The following VWA7 variants were observed in gnomAD, a reference collection of about 807,000 sequenced individuals.
VWA7 encodes von Willebrand factor A domain-containing protein 7.
A neutral mutation model predicts 83.1 loss-of-function variants in VWA7; 66 were observed. That is an observed-to-expected ratio of 0.79 (90% CI 0.65 to 0.98). The LOEUF (loss-of-function observed/expected upper bound fraction) is 0.98. Among genes scored for constraint, VWA7 ranks in the 50% least tolerant of loss-of-function variants. The pLI is 0.00. For missense variants in VWA7, 1,080 were observed against 1,160.2 expected (o/e 0.93, Z 1.00); for synonymous variants, 424 against 488.5 (o/e 0.87, Z 1.74).
Position 31,765,754 on chromosome 6 carries a change from G to C in VWA7, c.2516C>G (p.Pro839Arg). The C allele has an allele frequency of 6.3e-7, 1 of 1,588,654 alleles. No individual in the cohort carries two copies. Reference sequence around the variant, plus strand: ...GAGGATCGGGTCAGATGAGCCGGTAGGGGTGGTGTGCCGGTCCTGTGGGGA... The same window carrying C: ...GAGGATCGGGTCAGATGAGCCGGTACGGGTGGTGTGCCGGTCCTGTGGGGA... ...APAPQDRHTT[P>R]TGSSDPILTT... The change falls in exon 17 of 17, where the codon CCT (proline) becomes CGT (arginine). Residue 839 changes from proline to arginine, a missense_variant. Coordinates refer to ENST00000375688, the MANE Select transcript of VWA7 (RefSeq NM_025258.3).
chr6:31,773,532 C>A lies in VWA7; in HGVS notation c.722-95G>T. 2 of 1,246,916 alleles carry A rather than the reference C, an allele frequency of 1.6e-6. No homozygotes were observed. The highest frequency in any genetic ancestry group is 2.2e-6 in the Non-Finnish European group (2 of 919,988). 77.2% of individuals were successfully genotyped at this position (1,246,916 alleles called of 1,614,324 possible). On this transcript the variant is annotated intron_variant, in intron 5 of 16. Coordinates refer to ENST00000375688, the MANE Select transcript of VWA7 (RefSeq NM_025258.3). This position sits in a 1 kb window ranked among gnomAD's most constrained non-coding sequence, Gnocchi z 5.3. ...TTCAGGCCTGGCCTGACCCTCTCAC[C>A]CCTCAGCAAGGGTTCAGCAAGAAAT... is the stretch of plus-strand genomic sequence containing the variant.
rs1286816609 is a variant in VWA7 at position 31,775,920 on chromosome 6, G to T, written c.513+44C>A. ...GACGCGCTCCATCCCGGACAGGCAC[G>T]GAAGTGAAGACCCCTCTGACCATCA... On this transcript the variant is annotated intron_variant, in intron 3 of 16. Transcript: ENST00000375688. This position sits in a 1 kb window ranked among gnomAD's most constrained non-coding sequence, Gnocchi z 5.9. 6.4e-7 allele frequency: 1 copy of T among 1,565,300 alleles called. No individual in the cohort carries two copies. Among genetic ancestry groups the T allele is most frequent in the East Asian group, 2.3e-5 (1 of 44,404 alleles).
At position 31,775,962 on chromosome 6, in the gene VWA7, AC is replaced by A; in HGVS notation, c.513+1del. On this transcript the variant is annotated splice_donor_variant, in intron 3 of 16. Coordinates refer to ENST00000375688, the MANE Select transcript of VWA7 (RefSeq NM_025258.3). LOFTEE classifies it high-confidence loss of function. This position sits in a 1 kb window ranked among gnomAD's most constrained non-coding sequence, Gnocchi z 5.9. ...TGACCATCAACCCAACCCTGTTCTC[AC>A]CTGCAGGGCATGAAGTGCAGCCCCG... The A allele has an allele frequency of 6.2e-7, 1 of 1,607,412 alleles. No individual in the cohort carries two copies. Among genetic ancestry groups the A allele is most frequent in the Non-Finnish European group, 8.5e-7 (1 of 1,177,114 alleles).
At position 31,769,761 on chromosome 6, in the gene VWA7, C is replaced by A; in HGVS notation, c.1231G>T (p.Asp411Tyr). The change falls in exon 9 of 17, where the codon GAT becomes TAT. Residue 411 changes from aspartate (D) to tyrosine (Y), a missense_variant. Asp to Tyr is a radical substitution (Grantham distance 160). Transcript: ENST00000375688. The surrounding 1 kb of genome is among the most constrained non-coding windows in gnomAD (Gnocchi z 4.5). ...GAGGCATCCGTGAAGACAAAGATAT[C>A]TGAGAGTGGAGGTGTGTGCAGCAGG... ...LALLHTPPLS[D>Y]IFVFTDASPK... The A allele has an allele frequency of 6.2e-7, 1 of 1,613,094 alleles. No homozygotes were observed. Among genetic ancestry groups the A allele is most frequent in the South Asian group, 1.1e-5 (1 of 91,082 alleles).
chr6:31,772,756 C>T (rs941543104), intron 7 of VWA7, among the ~76,000 whole-genome samples, 198 bp downstream of exon 7: 6 of 151,746 alleles, frequency 4.0e-5, no homozygotes, highest in African/African-American at 9.7e-5. Flanking sequence ...CCCACCACCA[C>T]GCCCGGCTAA....
At chr6:31,768,039 C>A (rs1382375116) in intron 10 of VWA7, among the ~76,000 whole-genome samples, 1 of 145,000 alleles carries the variant, frequency 6.9e-6, no homozygotes, top group Admixed American at 7.2e-5. Context: ...ACTTGGGAGG[C>A]TGGAGCAGGA....
Position 31,769,287 on chromosome 6 carries a change from T to A in VWA7, c.1318-84A>T. 1 of 1,488,646 alleles carries A rather than the reference T, an allele frequency of 6.7e-7. No homozygotes were observed. The highest frequency in any genetic ancestry group is 9.1e-7 in the Non-Finnish European group (1 of 1,103,122). The allele number at this position is 1,488,646 out of a possible 1,614,324, so 92.2% of individuals were successfully genotyped here. Reference sequence around the variant, plus strand: ...TGAGAATCCCTGTGCTCAAGCTTTCTCCAGAGCTGATGGTTTGTGATAAGG... The same window carrying A: ...TGAGAATCCCTGTGCTCAAGCTTTCACCAGAGCTGATGGTTTGTGATAAGG... On this transcript the variant is annotated intron_variant, in intron 9 of 16. Coordinates refer to ENST00000375688, the MANE Select transcript of VWA7 (RefSeq NM_025258.3). The surrounding 1 kb of genome is among the most constrained non-coding windows in gnomAD (Gnocchi z 4.5).
In VWA7 at chr6:31,766,705, C is replaced by T. The variant is rs1811624069; in HGVS notation, c.1942G>A (p.Asp648Asn). 3 of 1,612,430 alleles carry T rather than the reference C, an allele frequency of 1.9e-6. No individual in the cohort carries two copies. The highest frequency in any genetic ancestry group is 2.5e-6 in the Non-Finnish European group (3 of 1,179,554). ...TGLGSRANPG[D>N]PQPHFSHVIL... ...ACGTGGGAGAAATGCGGCTGAGGAT[C>T]CCCAGGATTGGCTCTGGAACCCAAC... The change falls in exon 14 of 17, where the codon GAT (aspartate) becomes AAT (asparagine). Residue 648 changes from aspartate to asparagine, a missense_variant. Physicochemically the swap from Asp to Asn is conservative, Grantham distance 23. Transcript: ENST00000375688. The surrounding 1 kb of genome is among the most constrained non-coding windows in gnomAD (Gnocchi z 4.9).
Position 31,766,033 on chromosome 6 carries a change from C to T in VWA7, c.2349G>A (p.Ser783=), listed in dbSNP as rs769583379. 3.3e-5 allele frequency: 53 copies of T among 1,612,896 alleles called. No homozygotes were observed. Among genetic ancestry groups the T allele is most frequent in the South Asian group, 3.1e-4 (28 of 91,088 alleles). Residue 783 remains serine (S), a synonymous_variant, in exon 16 of 17, where the codon TCG becomes TCA. Coordinates refer to ENST00000375688, the MANE Select transcript of VWA7 (RefSeq NM_025258.3). This position sits in a 1 kb window ranked among gnomAD's most constrained non-coding sequence, Gnocchi z 4.9. ...CCTCCAGCCACAGGCGGCCCCAGGC[C>T]GACTCATTCAGTTCCAGGTGAGCCC... ...LSRAHLELNE[S]AWGRLWLEVP...
In VWA7 at chr6:31,765,995, G is replaced by T; in HGVS notation, c.2387C>A (p.Ala796Glu). The T allele has an allele frequency of 6.2e-7, 1 of 1,612,940 alleles. No individual in the cohort carries two copies. The highest frequency in any genetic ancestry group is 1.1e-5 in the South Asian group (1 of 91,078). Residue 796 changes from alanine to glutamate, a missense_variant, in exon 16 of 17, where the codon GCG (alanine) becomes GAG (glutamate). By Grantham distance (107) the Ala-to-Glu change is moderately radical. Coordinates refer to ENST00000375688, the MANE Select transcript of VWA7 (RefSeq NM_025258.3). The stretch of plus-strand genomic sequence containing the variant: ...CACCATCACCACGGAATCCGGGGCC[G>T]CTGAATCTGGGACCTCCAGCCACAG... ...GRLWLEVPDS[A>E]APDSVVMVTV...
chr6:31,768,549 A>G (rs1811856295), intron 10 of VWA7, among the ~76,000 whole-genome samples: 1 of 152,100 alleles, frequency 6.6e-6, no homozygotes, highest in South Asian at 2.1e-4. Context: ...ATATAAAAGG[A>G]CAATGCAGGC....
chr6:31,770,055 C>T lies in VWA7; in HGVS notation c.1146G>A (p.Glu382=). Residue 382 remains glutamate (E), a synonymous_variant, in exon 8 of 17, where the codon GAG becomes GAA. Coordinates refer to ENST00000375688, the MANE Select transcript of VWA7 (RefSeq NM_025258.3). ...CGTCTCCACCCCCCAAGGCATGGAT[C>T]TCATTAAGCTGTTGCCAGAAGCTGT... ...DPDSFWQQLN[E]IHALGGGDEP... is the part of the protein sequence containing the mutation. The T allele has an allele frequency of 6.2e-7, 1 of 1,612,902 alleles. No homozygotes were observed. The highest frequency in any genetic ancestry group is 8.5e-7 in the Non-Finnish European group (1 of 1,180,014).
In VWA7 at chr6:31,767,784, GGAA is replaced by G. The variant is rs966728738; in HGVS notation, c.1504-33_1504-31del. The G allele has an allele frequency of 3.8e-6, 6 of 1,590,582 alleles. No individual in the cohort carries two copies. In the African/African-American group the frequency reaches 5.4e-5, roughly 14 times the overall value. On this transcript the variant is annotated intron_variant, in intron 10 of 16. Transcript: ENST00000375688. ...AGGGATTGGCAGGACCAGAAAATGG[GGAA>G]GAAGATGAGGTATGGGATGAGGAAC...
Position 31,775,856 on chromosome 6 carries a change from T to A in VWA7, c.513+108A>T. ...GGCACCGCGTGCCAGTGCCCACCCC[T>A]TCCAGAGTGGAGGAGACATGATCAA... On this transcript the variant is annotated intron_variant, in intron 3 of 16. Transcript: ENST00000375688. This position sits in a 1 kb window ranked among gnomAD's most constrained non-coding sequence, Gnocchi z 5.9. 2 of 1,491,834 alleles carry A rather than the reference T, an allele frequency of 1.3e-6. No homozygotes were observed. The highest frequency in any genetic ancestry group is 1.8e-6 in the Non-Finnish European group (2 of 1,122,408). 92.4% of individuals were successfully genotyped at this position (1,491,834 alleles called of 1,614,324 possible).
chr6:31,770,878 G>A (rs2151397905), intron 7 of VWA7, among the ~76,000 whole-genome samples: 1 of 151,958 alleles, frequency 6.6e-6, no homozygotes, highest in Non-Finnish European at 1.5e-5. Flanking sequence ...AGATATGGTG[G>A]TGCTCATCTG....
rs9279415 is a variant in VWA7, at chr6:31,772,584, C to CTTTTTTTTTTTTTTTTTTTTTTTT, written c.1087+346_1087+369dup. ...CTTTTCTTTTTTTTTTCTTTCTTTT[C>CTTTTTTTTTTTTTTTTTTTTTTTT]TTTTTTTTTTTTTTTTTTTTTTTTT... On this transcript the variant is annotated intron_variant, in intron 7 of 16. Transcript: ENST00000375688. Among the ~76,000 whole-genome samples the CTTTTTTTTTTTTTTTTTTTTTTTT allele has an allele frequency of 4.4e-3, 153 of 35,102 alleles. 2 individuals are homozygous for CTTTTTTTTTTTTTTTTTTTTTTTT. The highest frequency in any genetic ancestry group is 4.9e-3 in the Non-Finnish European group (105 of 21,314). 23.0% of individuals were successfully genotyped at this position (35,102 alleles called of 152,430 possible). A position where few individuals can be genotyped will look rare whatever the true frequency, so the allele number is the denominator to read the frequency against.
At chr6:31,768,360 A>G (rs2151392518) in intron 10 of VWA7, among the ~76,000 whole-genome samples, 1 of 152,214 alleles carries the variant, frequency 6.6e-6, no homozygotes, top group East Asian at 1.9e-4. Flanking sequence ...CTGTAATCCC[A>G]GCACCTGGGA....
chr6:31,776,007 G>T lies in VWA7; in HGVS notation c.470C>A (p.Thr157Asn). The T allele has an allele frequency of 3.7e-6, 6 of 1,613,036 alleles. No individual in the cohort carries two copies. Among genetic ancestry groups the T allele is most frequent in the Non-Finnish European group, 5.1e-6 (6 of 1,179,880 alleles). The change falls in exon 3 of 17, where the codon ACC becomes AAC. Residue 157 changes from threonine to asparagine, a missense_variant. Coordinates refer to ENST00000375688, the MANE Select transcript of VWA7 (RefSeq NM_025258.3). The surrounding 1 kb of genome is among the most constrained non-coding windows in gnomAD (Gnocchi z 6.2). Reference sequence around the variant, plus strand: ...AGCCCCGAGGCGCTGGCGAGCCAGGGTGTGGTCAAGGGCCCTGGCTGCCAC... The same window carrying T: ...AGCCCCGAGGCGCTGGCGAGCCAGGTTGTGGTCAAGGGCCCTGGCTGCCAC... Reference protein sequence around the residue: ...TVVAARALDHTLARQRLGAAL... With the variant: ...TVVAARALDHNLARQRLGAAL...
Position 31,765,874 on chromosome 6 carries a change from G to A in VWA7, c.2499+9C>T, listed in dbSNP as rs1811488696. The A allele has an allele frequency of 6.2e-7, 1 of 1,612,800 alleles. No individual in the cohort carries two copies. The highest frequency in any genetic ancestry group is 2.2e-5 in the East Asian group (1 of 44,894). ...GCCCACCCTGTGATGGAAAGTAGTGGTTCCTCACCTGCGGGGCTGGGGCCG... is the reference window on the plus strand; with the variant it reads ...GCCCACCCTGTGATGGAAAGTAGTGATTCCTCACCTGCGGGGCTGGGGCCG... On this transcript the variant is annotated intron_variant, in intron 16 of 16. Coordinates refer to ENST00000375688, the MANE Select transcript of VWA7 (RefSeq NM_025258.3).
Sources: allele counts gnomAD v4.1 joint callset (sites outside exome capture counted in the v4.1 genomes callset), GRCh38; gene constraint gnomAD v4.1.1; non-coding constraint Gnocchi (gnomAD v3.1); transcripts MANE v1.5; gene names NCBI Gene and HGNC (gene_info 2026-07-23, HGNC 2026-07-21).